Variants in ABL1 observed in about 807,000 individuals in gnomAD.
ABL1 encodes the protein tyrosine-protein kinase ABL1.
In ABL1, 11 loss-of-function variants were observed where a neutral mutation model predicts 94.7. The ratio of observed to expected loss-of-function variants is 0.12; its 90% CI spans 0.07 to 0.19. The LOEUF (loss-of-function observed/expected upper bound fraction) is 0.19, where lower values mean the gene tolerates loss of function less well. Ranked by LOEUF, ABL1 falls within the 10% of genes least tolerant of loss-of-function variation. ABL1 has a pLI of 1.00. For missense variants in ABL1, 1,082 were observed against 1,489.4 expected (o/e 0.73, Z 4.50); for synonymous variants, 656 against 622.4 (o/e 1.05, Z -0.80).
chr9:130,744,558 A>G (rs1022654218), intron 1 of ABL1, among the ~76,000 whole-genome samples: 3 of 151,116 alleles, frequency 2.0e-5, no homozygotes, highest in African/African-American at 7.3e-5. Context: ...AGAAGGATAA[A>G]ACTGTCTTTT....
rs918597846 is a variant in ABL1, at chr9:130,872,279, G to T, written c.907+66G>T. ...CACCCCCAGGGTGACACAGGCGCTG[G>T]GGAAGACGCACGGGCGGCTCACTGC... On this transcript the variant is annotated intron_variant, in intron 5 of 10. Transcript: ENST00000318560. The surrounding 1 kb of genome is among the most constrained non-coding windows in gnomAD (Gnocchi z 5.0). 15 of 1,472,706 alleles carry T rather than the reference G, an allele frequency of 1.0e-5. No individual in the cohort carries two copies. In the African/African-American group the frequency reaches 2.0e-4, roughly 19 times the overall value. 91.2% of individuals were successfully genotyped at this position (1,472,706 alleles called of 1,614,324 possible). A position where few individuals can be genotyped will look rare whatever the true frequency, so the allele number is the denominator to read the frequency against.
intron 1 of ABL1, among the ~76,000 whole-genome samples, chr9:130,766,924 CAGTT>C (rs1179904030): frequency 2.0e-5 from 3 of 152,190 alleles, no homozygotes; most frequent in Admixed American, 6.5e-5. Context: ...GTACCCATCT[CAGTT>C]AGAGTAATGT....
intron 1 of ABL1, among the ~76,000 whole-genome samples, chr9:130,808,273 G>A (rs1273700401): frequency 3.0e-5 from 4 of 134,424 alleles, no homozygotes; most frequent in African/African-American, 8.7e-5. Context: ...AAATGGAGTC[G>A]TGCTCTGTCA....
At chr9:130,739,209 T>C (rs1158926020) in intron 1 of ABL1, among the ~76,000 whole-genome samples, 1 of 152,190 alleles carries the variant, frequency 6.6e-6, no homozygotes, top group Non-Finnish European at 1.5e-5. Flanking sequence ...TGTGTCTTTT[T>C]AGGCAAGCAG....
intron 1 of ABL1, among the ~76,000 whole-genome samples, chr9:130,849,519 A>AT (rs35406463): frequency 2.1e-4 from 29 of 141,228 alleles, no homozygotes; most frequent in Middle Eastern, 3.5e-3. Context: ...TTTAATGGTA[A>AT]TTTTTTTTGT....
intron 7 of ABL1, among the ~76,000 whole-genome samples, chr9:130,876,585 A>AT (rs34082168): frequency 0.037 from 5,532 of 150,510 alleles, 175 homozygotes; most frequent in African/African-American, 0.072. Context: ...GCCTGGCTAA[A>AT]TTTTTTTGTA....
rs540126319 is a variant in ABL1, at chr9:130,787,689, G to A, written c.137-66375G>A. ...GTCGTCGTCACGAGCACCTGGTAGT[G>A]GCCCATGGAAAAGGGTTTGCAAGTG... On this transcript the variant is annotated intron_variant, in intron 1 of 10. Coordinates refer to the ABL1 transcript ENST00000372348. Among the ~76,000 whole-genome samples, 4 of 152,260 alleles carry A rather than the reference G, an allele frequency of 2.6e-5. No individual in the cohort carries two copies. The South Asian group carries it at 8.3e-4, about 32-fold the overall frequency.
intron 1 of ABL1, among the ~76,000 whole-genome samples, chr9:130,767,620 A>T (rs1832200967): frequency 6.6e-6 from 1 of 152,232 alleles, no homozygotes; most frequent in Admixed American, 6.5e-5. Context: ...GGCAGGAGCC[A>T]CTGTGCCCGG....
intron 1 of ABL1, among the ~76,000 whole-genome samples, chr9:130,745,080 C>CTTT (rs767607633): frequency 1.5e-5 from 2 of 131,366 alleles, no homozygotes. Context: ...TCCTGGGAAC[C>CTTT]TTTTTTTTTT....
In ABL1 at chr9:130,877,263, C is replaced by G. The variant is rs966898284; in HGVS notation, c.1271-1152C>G. ...AGCTATTGCAGGTTCATTCTGTGCC[C>G]CAGGCCTGAATCACCCATTTCTCTA... is the stretch of plus-strand genomic sequence containing the variant. On this transcript the variant is annotated intron_variant, in intron 7 of 10. Coordinates refer to ENST00000318560, the MANE Select transcript of ABL1 (RefSeq NM_005157.6). Among the ~76,000 whole-genome samples the G allele has an allele frequency of 3.4e-5, 5 of 148,246 alleles. 1 individual carries two copies. Among genetic ancestry groups the G allele is most frequent in the Admixed American group, 1.3e-4 (2 of 14,982 alleles).
intron 1 of ABL1, among the ~76,000 whole-genome samples, chr9:130,844,716 A>T (rs1002484120): frequency 1.3e-5 from 2 of 152,120 alleles, no homozygotes; most frequent in African/African-American, 2.4e-5. Context: ...CAGGAGACTC[A>T]CTTGAACCCG....
At position 130,885,013 on chromosome 9, in the gene ABL1, G is replaced by A. The variant is rs1465864231; in HGVS notation, c.2723G>A (p.Gly908Glu). Reference sequence around the variant, plus strand: ...CCGCCCCCACCAGCAGCCTCTGCAGGGAAGGCTGGAGGAAAGCCCTCGCAG... The same window carrying A: ...CCGCCCCCACCAGCAGCCTCTGCAGAGAAGGCTGGAGGAAAGCCCTCGCAG... The part of the protein sequence containing the change: ...APPPPPAASA[G>E]KAGGKPSQSP... Residue 908 changes from glycine to glutamate, a missense_variant, in exon 11 of 11, where the codon GGG (glycine) becomes GAG (glutamate). Gly to Glu is a moderately conservative substitution (Grantham distance 98). Coordinates refer to ENST00000318560, the MANE Select transcript of ABL1 (RefSeq NM_005157.6). The A allele has an allele frequency of 6.2e-7, 1 of 1,611,558 alleles. No homozygotes were observed. The highest frequency in any genetic ancestry group is 1.3e-5 in the African/African-American group (1 of 74,918).
In ABL1 at chr9:130,878,103, G is replaced by A. The variant is rs189529017; in HGVS notation, c.1271-312G>A. ...GCTGGGATTACAGGTGTGAGCCACC[G>A]TGCCCGGCCCCTAATTTTTGTATTT... is the stretch of plus-strand genomic sequence containing the variant. On this transcript the variant is annotated intron_variant, in intron 7 of 10. Coordinates refer to ENST00000318560, the MANE Select transcript of ABL1 (RefSeq NM_005157.6). Among the ~76,000 whole-genome samples the A allele has an allele frequency of 2.6e-5, 4 of 152,142 alleles. No individual in the cohort carries two copies. In the East Asian group the frequency reaches 5.8e-4, roughly 22 times the overall value.
Position 130,860,850 on chromosome 9 carries a change from G to T in ABL1, c.550-1913G>T, listed in dbSNP as rs533828945. Among the ~76,000 whole-genome samples the T allele has an allele frequency of 5.9e-5, 9 of 152,310 alleles. No homozygotes were observed. The South Asian group carries it at 1.9e-3, about 32-fold the overall frequency. On this transcript the variant is annotated intron_variant, in intron 3 of 10. Coordinates refer to ENST00000318560, the MANE Select transcript of ABL1 (RefSeq NM_005157.6). ...AGCTGACAGTCTTTTCCAGAGGGTC[G>T]GGGATTGGGAGCTGACCCCAGGTCC...
intron 1 of ABL1, among the ~76,000 whole-genome samples, chr9:130,819,236 C>T (rs1447732503): frequency 6.6e-6 from 1 of 152,100 alleles, no homozygotes; most frequent in Admixed American, 6.5e-5. Flanking sequence ...CCTGTAGTCC[C>T]AGCTACTCGG....
intron 3 of ABL1, among the ~76,000 whole-genome samples, chr9:130,859,889 C>T (rs897964566): frequency 1.1e-4 from 16 of 151,864 alleles, no homozygotes; most frequent in Non-Finnish European, 2.4e-4. Flanking sequence ...CCATGTTGGC[C>T]AGGCTGGTTT....
At chr9:130,720,635 T>C (rs1831502750) in intron 1 of ABL1, among the ~76,000 whole-genome samples, 1 of 152,224 alleles carries the variant, frequency 6.6e-6, no homozygotes, top group Non-Finnish European at 1.5e-5. Context: ...TGGAGAATTT[T>C]CCGAGGGGAC....
intron 1 of ABL1, among the ~76,000 whole-genome samples, chr9:130,738,959 G>A (rs554635565): frequency 3.3e-5 from 5 of 152,116 alleles, no homozygotes; most frequent in South Asian, 2.1e-4. Context: ...CTCGATTCAC[G>A]GCAACCCCCA....
intron 1 of ABL1, among the ~76,000 whole-genome samples, chr9:130,765,474 A>T (rs571263337): frequency 6.6e-6 from 1 of 152,300 alleles, no homozygotes; most frequent in East Asian, 1.9e-4. Context: ...AATCTTCATG[A>T]TCCATTTTTG....
Sources: allele counts gnomAD v4.1 joint callset (sites outside exome capture counted in the v4.1 genomes callset), GRCh38; gene constraint gnomAD v4.1.1; non-coding constraint Gnocchi (gnomAD v3.1); transcripts MANE v1.5; gene names NCBI Gene and HGNC (gene_info 2026-07-23, HGNC 2026-07-21).